The following RIMBP2 variants were observed in gnomAD, a reference collection of about 807,000 sequenced individuals.
The protein encoded by RIMBP2 is RIMS binding protein 2.
RIMBP2 carries 48 observed loss-of-function variants against 118.6 expected under a neutral mutation model. The observed-to-expected ratio is 0.40, with a 90% CI of 0.32 to 0.51. The LOEUF (loss-of-function observed/expected upper bound fraction) is 0.51. Among genes scored for constraint, RIMBP2 ranks in the 20% least tolerant of loss-of-function variants. The pLI, the probability that RIMBP2 is intolerant of heterozygous loss-of-function variation, is 0.41. For synonymous variants in RIMBP2, 762 were observed against 742.9 expected, an observed-to-expected ratio of 1.03 and a Z score of -0.42; for missense variants, 1,551 against 1,768.3, an observed-to-expected ratio of 0.88 and a Z score of 2.20.
At chr12:130,477,761 C>T (rs1176012241) in intron 5 of RIMBP2, among the ~76,000 whole-genome samples, 1 of 152,238 alleles carries the variant, frequency 6.6e-6, no homozygotes, top group East Asian at 1.9e-4. Flanking sequence ...GGGTGAATGA[C>T]TGTGAGCCCT....
intron 1 of RIMBP2, among the ~76,000 whole-genome samples, chr12:130,669,508 C>A (rs2064104765): frequency 6.6e-6 from 1 of 152,118 alleles, no homozygotes; most frequent in South Asian, 2.1e-4. Flanking sequence ...CTCACGAGAT[C>A]TGGTGGTTTT....
intron 16 of RIMBP2, among the ~76,000 whole-genome samples, chr12:130,423,627 A>G (rs1250655060): frequency 1.4e-5 from 2 of 146,834 alleles, no homozygotes; most frequent in Non-Finnish European, 3.0e-5. Context: ...AAGAAATGGG[A>G]AAAAAACAAG....
At chr12:130,484,785 CA>C (rs2082342306) in intron 4 of RIMBP2, among the ~76,000 whole-genome samples, 1 of 152,228 alleles carries the variant, frequency 6.6e-6, no homozygotes, top group Non-Finnish European at 1.5e-5. Flanking sequence ...TTCAGGCCAG[CA>C]AAAGCCATTA....
At chr12:130,416,778 A>C (rs530865498) in intron 17 of RIMBP2, among the ~76,000 whole-genome samples, 78 of 152,146 alleles carry the variant, frequency 5.1e-4, no homozygotes, top group Admixed American at 7.2e-4. Flanking sequence ...AGAGTGAACA[A>C]CACCCTACAG....
intron 3 of RIMBP2, among the ~76,000 whole-genome samples, chr12:130,508,508 G>T (rs1017760314): frequency 6.6e-6 from 1 of 151,542 alleles, no homozygotes; most frequent in South Asian, 2.1e-4. Context: ...ACCCGGCCCT[G>T]CCCCAGTCTG....
rs1188725895 is a variant in RIMBP2, at chr12:130,683,677, T to A, written c.-352+32545A>T. On this transcript the variant is annotated intron_variant, in intron 1 of 22. Transcript: ENST00000690449. This position sits in a 1 kb window ranked among gnomAD's most constrained non-coding sequence, Gnocchi z 4.4. ...CGGCCAAATCCCACCAAAACCAAGA[T>A]GACCACAAGAGTGATCTCTGGTCAT... is the stretch of plus-strand genomic sequence containing the variant. Among the ~76,000 whole-genome samples the A allele has an allele frequency of 6.6e-6, 1 of 152,098 alleles. No individual in the cohort carries two copies. The highest frequency in any genetic ancestry group is 1.5e-5 in the Non-Finnish European group (1 of 68,022).
rs745995707 is a variant in RIMBP2, at chr12:130,414,108, A to T, written c.3420+17T>A. 1.9e-6 allele frequency: 3 copies of T among 1,613,726 alleles called. No individual in the cohort carries two copies. The highest frequency in any genetic ancestry group is 2.5e-6 in the Non-Finnish European group (3 of 1,179,844). ...CTCAGGGGCTGATGAAGCCGCCCGC[A>T]GGCAGCCATCCCGCACCTTGATGAT... On this transcript the variant is annotated intron_variant, in intron 18 of 22. Transcript: ENST00000690449.
intron 2 of RIMBP2, among the ~76,000 whole-genome samples, chr12:130,553,451 C>T (rs1019061107): frequency 6.6e-6 from 1 of 152,086 alleles, no homozygotes; most frequent in African/African-American, 2.4e-5. Context: ...GTCAATATAT[C>T]AATCTTAATA....
chr12:130,407,957 T>C, intron 19 of RIMBP2, 128 bp from the exon 20 acceptor site: 1 of 761,550 alleles, frequency 1.3e-6, no homozygotes, highest in Admixed American at 1.9e-5. Context: ...GGCCACGTGC[T>C]CCTGGGCACT....
chr12:130,663,507 AG>A (rs2136365512), intron 1 of RIMBP2, among the ~76,000 whole-genome samples: 1 of 151,948 alleles, frequency 6.6e-6, no homozygotes, highest in East Asian at 1.9e-4. Flanking sequence ...GGTTTATAAA[AG>A]TACAAAGTGC....
intron 4 of RIMBP2, among the ~76,000 whole-genome samples, chr12:130,489,560 G>A (rs184991059): frequency 2.2e-4 from 34 of 152,104 alleles, no homozygotes; most frequent in South Asian, 1.3e-3. Flanking sequence ...TAGAGGCTCC[G>A]TCTCCTGTAG....
intron 2 of RIMBP2, among the ~76,000 whole-genome samples, chr12:130,608,164 G>A (rs1196196117): frequency 2.6e-5 from 4 of 152,224 alleles, no homozygotes; most frequent in Non-Finnish European, 4.4e-5. Context: ...AATATCCAGT[G>A]GAAAGAGCTG....
intron 6 of RIMBP2, chr12:130,470,365 A>G (rs1043923520): frequency 2.6e-5 from 7 of 273,628 alleles, no homozygotes; most frequent in Non-Finnish European, 4.7e-5. Flanking sequence ...CAAGCGAGTG[A>G]GCCACGCCCC....
rs145270910 is a variant in RIMBP2, at chr12:130,506,716, G to A, written c.-72C>T. ...TGTTTCTCCTTCACGGCCAAATCGC[G>A]CTCTCTGGTCACGAGGGTGAGCGGA... On this transcript the variant is annotated 5_prime_UTR_variant, in exon 4 of 23. Coordinates refer to ENST00000690449, the MANE Select transcript of RIMBP2 (RefSeq NM_001393629.1). The A allele has an allele frequency of 2.2e-3, 2,203 of 985,690 alleles. 7 individuals carry two copies. Among genetic ancestry groups the A allele is most frequent in the Admixed American group, 3.3e-3 (53 of 16,280 alleles). The allele number at this position is 985,690 out of a possible 1,614,324, so 61.1% of individuals were successfully genotyped here. A position where few individuals can be genotyped will look rare whatever the true frequency, so the allele number is the denominator to read the frequency against.
In RIMBP2 at chr12:130,446,171, A is replaced by C. The variant is rs991469197; in HGVS notation, c.582-902T>G. Among the ~76,000 whole-genome samples, 2 of 152,212 alleles carry C rather than the reference A, an allele frequency of 1.3e-5. No homozygotes were observed. The highest frequency in any genetic ancestry group is 2.9e-5 in the Non-Finnish European group (2 of 68,046). Reference sequence around the variant, plus strand: ...ATTGGGGATTCTCTAAATAAAAGGCAAATTAACTTAAAATAACAGCGAAGA... The same window carrying C: ...ATTGGGGATTCTCTAAATAAAAGGCCAATTAACTTAAAATAACAGCGAAGA... On this transcript the variant is annotated intron_variant, in intron 9 of 22. Transcript: ENST00000690449. This position sits in a 1 kb window ranked among gnomAD's most constrained non-coding sequence, Gnocchi z 4.1.
At chr12:130,645,188 G>C (rs2062804383) in intron 1 of RIMBP2, among the ~76,000 whole-genome samples, 1 of 151,682 alleles carries the variant, frequency 6.6e-6, no homozygotes, top group African/African-American at 2.4e-5. Context: ...CCACCTCCCA[G>C]GTTCAAGAGA....
At chr12:130,626,023 A>T (rs1045420820) in intron 2 of RIMBP2, among the ~76,000 whole-genome samples, 2 of 152,254 alleles carry the variant, frequency 1.3e-5, no homozygotes, top group African/African-American at 4.8e-5. Context: ...GAAGAAACTG[A>T]TACCATTATA....
chr12:130,607,499 C>T (rs942913904), intron 2 of RIMBP2, among the ~76,000 whole-genome samples: 2 of 151,982 alleles, frequency 1.3e-5, no homozygotes. Context: ...GTCTCCACAC[C>T]CAGAACCATG....
At chr12:130,457,644 C>T (rs1447840335) in intron 6 of RIMBP2, among the ~76,000 whole-genome samples, 3 of 152,232 alleles carry the variant, frequency 2.0e-5, no homozygotes, top group African/African-American at 7.2e-5. Context: ...GTGCTGACCG[C>T]CCCCCGGCAC....
Sources: allele counts gnomAD v4.1 joint callset (sites outside exome capture counted in the v4.1 genomes callset), GRCh38; gene constraint gnomAD v4.1.1; non-coding constraint Gnocchi (gnomAD v3.1); transcripts MANE v1.5; gene names NCBI Gene and HGNC (gene_info 2026-07-23, HGNC 2026-07-21).